Variants in DCC observed in about 807,000 individuals in gnomAD.
DCC encodes the protein netrin receptor DCC.
A neutral mutation model predicts 172.5 loss-of-function variants in DCC; 58 were observed. The observed-to-expected ratio is 0.34, with a 90% CI of 0.27 to 0.42. The LOEUF (loss-of-function observed/expected upper bound fraction) is 0.42. DCC is among the 10% of genes least tolerant of loss of function. The pLI is 1.00. For synonymous variants in DCC, 709 were observed against 644.5 expected (o/e 1.10, Z -1.52); for missense variants, 1,740 against 1,791.0 (o/e 0.97, Z 0.51).
chr18:52,604,703 A>G (rs1032725691), intron 1 of DCC, among the ~76,000 whole-genome samples: 4 of 152,294 alleles, frequency 2.6e-5, no homozygotes, highest in East Asian at 1.9e-4. Flanking sequence ...GTGAAGTGGT[A>G]GCTTCCCTGC....
chr18:53,463,429 T>C (rs952548906), intron 24 of DCC, among the ~76,000 whole-genome samples: 8 of 152,148 alleles, frequency 5.3e-5, no homozygotes, highest in Non-Finnish European at 1.0e-4. Flanking sequence ...TACTTTATGT[T>C]AAATTAAGTA....
chr18:52,408,523 A>G (rs775102318), intron 1 of DCC, among the ~76,000 whole-genome samples: 5 of 152,172 alleles, frequency 3.3e-5, no homozygotes, highest in Admixed American at 6.6e-5. Context: ...ACCATAAAAC[A>G]ACTCAGGCCT....
chr18:53,483,298 T>C (rs1020615045), intron 25 of DCC, among the ~76,000 whole-genome samples: 1 of 151,962 alleles, frequency 6.6e-6, no homozygotes, highest in Admixed American at 6.6e-5. Flanking sequence ...TTGTACTAAT[T>C]ACTCTCAAAT....
At chr18:53,470,121 CT>C (rs1219436840) in intron 25 of DCC, among the ~76,000 whole-genome samples, 1 of 151,956 alleles carries the variant, frequency 6.6e-6, no homozygotes, top group Non-Finnish European at 1.5e-5. Context: ...GGTATCCTCT[CT>C]TTTCTCCCTA....
intron 7 of DCC, among the ~76,000 whole-genome samples, chr18:53,114,674 C>A (rs956755843): frequency 1.3e-5 from 2 of 151,498 alleles, no homozygotes; most frequent in African/African-American, 2.4e-5. Context: ...GGGTTATTGA[C>A]ATGCAGATCA....
chr18:53,020,860 T>C (rs2041870292), intron 5 of DCC, among the ~76,000 whole-genome samples: 1 of 152,038 alleles, frequency 6.6e-6, no homozygotes, highest in African/African-American at 2.4e-5. Flanking sequence ...CAAGAGAGAG[T>C]GCAGAGCCTG....
intron 1 of DCC, among the ~76,000 whole-genome samples, chr18:52,702,317 A>T (rs1346242851): frequency 1.3e-5 from 2 of 152,142 alleles, no homozygotes; most frequent in Non-Finnish European, 2.9e-5. Flanking sequence ...TCCACTGAGC[A>T]TTTATAATAC....
intron 12 of DCC, among the ~76,000 whole-genome samples, chr18:53,262,765 T>C (rs1279104580): frequency 1.3e-5 from 2 of 152,200 alleles, no homozygotes; most frequent in Non-Finnish European, 1.5e-5. Context: ...TAATGGAGGG[T>C]TGAAAATGGC....
intron 13 of DCC, among the ~76,000 whole-genome samples, chr18:53,308,655 A>G (rs920526305): frequency 2.6e-5 from 4 of 152,226 alleles, no homozygotes; most frequent in Admixed American, 6.5e-5. Flanking sequence ...ACATTCAGTT[A>G]GTATTTTCAA....
At chr18:52,956,472 T>G (rs1473230988) in intron 5 of DCC, among the ~76,000 whole-genome samples, 2 of 152,136 alleles carry the variant, frequency 1.3e-5, no homozygotes, top group Admixed American at 6.6e-5. Flanking sequence ...CTGTCTTGAT[T>G]ACTATAACCT....
At chr18:52,406,117 A>G (rs1394613048) in intron 1 of DCC, among the ~76,000 whole-genome samples, 1 of 147,600 alleles carries the variant, frequency 6.8e-6, no homozygotes, top group Non-Finnish European at 1.5e-5. Context: ...CTGGCTAGCC[A>G]TATGTAGAAA....
intron 27 of DCC, among the ~76,000 whole-genome samples, chr18:53,510,560 G>A (rs9948958): frequency 3.0e-4 from 46 of 152,250 alleles, no homozygotes; most frequent in African/African-American, 9.9e-4. Flanking sequence ...AGAGAAAGGA[G>A]TGCAAAAACA....
At chr18:52,537,763 C>T (rs951644874) in intron 1 of DCC, among the ~76,000 whole-genome samples, 3 of 152,148 alleles carry the variant, frequency 2.0e-5, no homozygotes, top group East Asian at 1.9e-4. Context: ...GAGTATTTAA[C>T]GACCATTGAG....
chr18:53,440,030 G>T (rs1338811671), intron 22 of DCC, among the ~76,000 whole-genome samples: 1 of 151,674 alleles, frequency 6.6e-6, no homozygotes, highest in African/African-American at 2.4e-5. Flanking sequence ...CTCCCAAAGT[G>T]CTGGGATTAC....
At chr18:53,423,530 T>G (rs1910749174) in intron 21 of DCC, among the ~76,000 whole-genome samples, 2 of 152,182 alleles carry the variant, frequency 1.3e-5, no homozygotes, top group South Asian at 2.1e-4. Flanking sequence ...TGCTGTAATG[T>G]GTACCATTTT....
intron 1 of DCC, among the ~76,000 whole-genome samples, chr18:52,502,783 G>A (rs1463860843): frequency 1.3e-5 from 2 of 152,120 alleles, no homozygotes; most frequent in African/African-American, 2.4e-5. Context: ...TAAAAGCCCC[G>A]AGGCGGGAGT....
chr18:53,004,930 A>T (rs1005934915), intron 5 of DCC, among the ~76,000 whole-genome samples: 4 of 152,182 alleles, frequency 2.6e-5, no homozygotes, highest in African/African-American at 9.7e-5. Context: ...GGTGGGGCCT[A>T]GTAAGAAGTG....
chr18:53,498,561 G>GAAAAA (rs10686831), intron 26 of DCC, among the ~76,000 whole-genome samples: 16 of 139,786 alleles, frequency 1.1e-4, no homozygotes, highest in Admixed American at 1.4e-4. Context: ...GTGTTCTCTG[G>GAAAAA]AAAAAAAAAA....
chr18:53,202,927 T>C (rs1252646845), intron 9 of DCC, among the ~76,000 whole-genome samples: 1 of 152,142 alleles, frequency 6.6e-6, no homozygotes, highest in Non-Finnish European at 1.5e-5. Flanking sequence ...TTAGTACTGT[T>C]CCAACTCACA....
Sources: gnomAD v4.1 joint callset for allele counts (sites outside exome capture counted in the v4.1 genomes callset) on GRCh38, gnomAD v4.1.1 for gene constraint, MANE v1.5 for transcripts, NCBI Gene and HGNC (gene_info 2026-07-23, HGNC 2026-07-21) for gene names.